Variants in NUBP1 observed in about 807,000 individuals in gnomAD.
NUBP1 encodes the protein cytosolic Fe-S cluster assembly factor NUBP1.
Under a neutral mutation model 41.8 loss-of-function variants are expected in NUBP1, and 46 were observed. That is an observed-to-expected ratio of 1.10 (90% CI 0.87 to 1.41). NUBP1 has a LOEUF of 1.41. NUBP1 is among the 40% of genes most tolerant of loss of function. The pLI, the probability that NUBP1 is intolerant of heterozygous loss-of-function variation, is 0.00. For synonymous variants in NUBP1, 189 were observed against 154.6 expected (o/e 1.22, Z -1.65); for missense variants, 494 against 414.0 (o/e 1.19, Z -1.68).
Position 10,761,411 on chromosome 16 carries a change from G to A in NUBP1, c.654G>A (p.Lys218=), listed in dbSNP as rs1211659961. The change falls in exon 8 of 11, where the codon AAG becomes AAA. Residue 218 remains lysine (K), a synonymous_variant. Coordinates refer to ENST00000283027, the MANE Select transcript of NUBP1 (RefSeq NM_002484.4). ...GGAAAGAAATCAACTTCTGCCGCAA[G>A]GTGAAGCTGCCCATCATCGGGGTGG... ...DVRKEINFCR[K]VKLPIIGVVE... is the part of the protein sequence containing the mutation. 12 of 1,614,156 alleles carry A rather than the reference G, an allele frequency of 7.4e-6. No homozygotes were observed. Among genetic ancestry groups the A allele is most frequent in the South Asian group, 2.2e-5 (2 of 91,076 alleles).
chr16:10,755,897 C>G (rs1900527245), intron 5 of NUBP1, 144 bp downstream of exon 5: 2 of 737,704 alleles, frequency 2.7e-6, no homozygotes, highest in Non-Finnish European at 4.6e-6. Context: ...GATTGGCAGG[C>G]TTTTTCTGTA....
intron 3 of NUBP1, 110 bp downstream of exon 3, chr16:10,747,386 C>T: frequency 6.9e-7 from 1 of 1,441,230 alleles, no homozygotes; most frequent in Non-Finnish European, 9.4e-7. Flanking sequence ...GTAATCCCAG[C>T]ACTTTGGGAG....
chr16:10,761,914 C>T (rs573623584), intron 9 of NUBP1, 55 bp downstream of exon 9: 36 of 1,405,376 alleles, frequency 2.6e-5, no homozygotes, highest in African/African-American at 1.6e-4. Context: ...CCCACAGGCA[C>T]GGGTCGGGCA....
chr16:10,758,956 A>G (rs1900757924), intron 7 of NUBP1, among the ~76,000 whole-genome samples: 1 of 152,180 alleles, frequency 6.6e-6, no homozygotes, highest in Non-Finnish European at 1.5e-5. Context: ...AGGCAGGACC[A>G]TGGTGCTATC....
intron 9 of NUBP1, 198 bp downstream of exon 9, chr16:10,762,057 G>A (rs550386043): frequency 5.7e-5 from 30 of 527,042 alleles, no homozygotes; most frequent in Non-Finnish European, 7.5e-5. Flanking sequence ...GGCAGGTAGC[G>A]GGAGCAAGCA....
At position 10,766,380 on chromosome 16, in the gene NUBP1, T is replaced by C. The variant is rs1464772140; in HGVS notation, c.821-1569T>C. On this transcript the variant is annotated intron_variant, in intron 9 of 10. Transcript: ENST00000283027. This position sits in a 1 kb window ranked among gnomAD's most constrained non-coding sequence, Gnocchi z 4.8. ...CTGTTCTGATAATGCTGCCCGTTCTTGGAGAGGTGGGAGCCCAGGGGGAAA... is the reference window on the plus strand; with the variant it reads ...CTGTTCTGATAATGCTGCCCGTTCTCGGAGAGGTGGGAGCCCAGGGGGAAA... Among the ~76,000 whole-genome samples the C allele has an allele frequency of 6.6e-6, 1 of 152,060 alleles. No homozygotes were observed. Among genetic ancestry groups the C allele is most frequent in the East Asian group, 1.9e-4 (1 of 5,192 alleles).
chr16:10,744,091 G>C (rs773786598), intron 2 of NUBP1, 26 bp downstream of exon 2: 2 of 1,527,254 alleles, frequency 1.3e-6, no homozygotes, highest in Non-Finnish European at 8.8e-7. Context: ...GGCCTCAACA[G>C]GAACTTAGAG....
At chr16:10,760,617 G>C (rs920859978) in intron 7 of NUBP1, among the ~76,000 whole-genome samples, 1 of 152,226 alleles carries the variant, frequency 6.6e-6, no homozygotes, top group Non-Finnish European at 1.5e-5. Context: ...CATGCCTGTA[G>C]TCCCAGCTAC....
In NUBP1 at chr16:10,765,552, T is replaced by C. The variant is rs923863666; in HGVS notation, c.821-2397T>C. 2.0e-5 allele frequency among the ~76,000 whole-genome samples: 3 copies of C among 152,124 alleles called. No individual in the cohort carries two copies. The East Asian group carries it at 5.8e-4, about 30-fold the overall frequency. On this transcript the variant is annotated intron_variant, in intron 9 of 10. Transcript: ENST00000283027. The surrounding 1 kb of genome is among the most constrained non-coding windows in gnomAD (Gnocchi z 4.0). Reference sequence around the variant, plus strand: ...GCATGCTTGCTGACCCACCCAAATATGTCCACGGGCCCAGCCACAGGCCTG... The same window carrying C: ...GCATGCTTGCTGACCCACCCAAATACGTCCACGGGCCCAGCCACAGGCCTG...
chr16:10,766,609 G>A lies in NUBP1; in HGVS notation c.821-1340G>A. On this transcript the variant is annotated intron_variant, in intron 9 of 10. Coordinates refer to ENST00000283027, the MANE Select transcript of NUBP1 (RefSeq NM_002484.4). This position sits in a 1 kb window ranked among gnomAD's most constrained non-coding sequence, Gnocchi z 4.8. ...AGTTCCACATGGTCTCATGGGCCCA[G>A]CGTTAACGGCGGAGGATGTCCAGGT... 1 of 186,646 alleles carries A rather than the reference G, an allele frequency of 5.4e-6. No individual in the cohort carries two copies. Among genetic ancestry groups the A allele is most frequent in the East Asian group, 1.3e-4 (1 of 7,496 alleles). The allele number at this position is 186,646 out of a possible 1,614,324, so 11.6% of individuals were successfully genotyped here. A position where few individuals can be genotyped will look rare whatever the true frequency, so the allele number is the denominator to read the frequency against.
chr16:10,761,137 A>T, intron 7 of NUBP1: 1 of 429,476 alleles, frequency 2.3e-6, no homozygotes, highest in Non-Finnish European at 4.3e-6. Flanking sequence ...CCATGATCCA[A>T]TCACCTCCCA....
intron 4 of NUBP1, 51 bp downstream of exon 4, chr16:10,752,729 G>C: frequency 6.9e-7 from 1 of 1,455,730 alleles, no homozygotes; most frequent in Non-Finnish European, 9.6e-7. Flanking sequence ...GGCAAACTCT[G>C]TAGCACTGAA....
intron 7 of NUBP1, 149 bp downstream of exon 7, chr16:10,758,176 G>C (rs1092688): frequency 1.9e-5 from 16 of 850,020 alleles, no homozygotes; most frequent in Admixed American, 2.7e-5. Flanking sequence ...CAGAAACCTC[G>C]TGTTAAAAAC....
chr16:10,744,344 G>A (rs1402117136), intron 2 of NUBP1, among the ~76,000 whole-genome samples: 2 of 152,168 alleles, frequency 1.3e-5, no homozygotes, highest in South Asian at 2.1e-4. Context: ...GAGTCGAAAG[G>A]GACATTAATT....
At chr16:10,751,502 G>T (rs1383206885) in intron 3 of NUBP1, among the ~76,000 whole-genome samples, 1 of 152,216 alleles carries the variant, frequency 6.6e-6, no homozygotes, top group South Asian at 2.1e-4. Flanking sequence ...GGCTGGGTTT[G>T]TTGAGAGGAT....
At chr16:10,756,398 A>C (rs1211836421) in intron 5 of NUBP1, among the ~76,000 whole-genome samples, 2 of 82,992 alleles carry the variant, frequency 2.4e-5, no homozygotes, top group Admixed American at 1.9e-4. Context: ...AAAATAAAAA[A>C]ATAAAAGAGT....
chr16:10,748,809 G>A (rs1164718600), intron 3 of NUBP1, among the ~76,000 whole-genome samples: 1 of 152,118 alleles, frequency 6.6e-6, no homozygotes, highest in African/African-American at 2.4e-5. Context: ...ACACTTGTTG[G>A]GCAGGGCATG....
chr16:10,762,401 C>A (rs1311632505), intron 9 of NUBP1, among the ~76,000 whole-genome samples: 1 of 152,214 alleles, frequency 6.6e-6, no homozygotes, highest in Non-Finnish European at 1.5e-5. Context: ...AAGAGATGCC[C>A]ACTCCCTGAG....
chr16:10,746,329 T>A (rs1402996865), intron 2 of NUBP1, among the ~76,000 whole-genome samples: 1 of 152,202 alleles, frequency 6.6e-6, no homozygotes, highest in Non-Finnish European at 1.5e-5. Flanking sequence ...TCAGCACTGC[T>A]GACATTTGGG....
Sources: allele counts gnomAD v4.1 joint callset (sites outside exome capture counted in the v4.1 genomes callset), GRCh38; gene constraint gnomAD v4.1.1; non-coding constraint Gnocchi (gnomAD v3.1); transcripts MANE v1.5; gene names NCBI Gene and HGNC (gene_info 2026-07-23, HGNC 2026-07-21).